Variants in SUMF2 observed in about 807,000 individuals in gnomAD.
SUMF2 encodes inactive C-alpha-formylglycine-generating enzyme 2.
SUMF2 carries 45 observed loss-of-function variants against 44.8 expected under a neutral mutation model. That is an observed-to-expected ratio of 1.00 (90% CI 0.79 to 1.29). The LOEUF is 1.29. Ranked by LOEUF, SUMF2 falls within the 50% of genes most tolerant of loss-of-function variation. The probability of loss-of-function intolerance (pLI) is 0.00; values close to 1 mark genes in which losing one functional copy is unlikely to be tolerated. For missense variants in SUMF2, 418 were observed against 389.9 expected (o/e 1.07, Z -0.61); for synonymous variants, 148 against 150.4 (o/e 0.98, Z 0.12).
At chr7:56,084,370 A>ATTT (rs534790677), downstream of SUMF2, 274 of 408,286 alleles carry the variant, frequency 6.7e-4, no homozygotes, top group Middle Eastern at 1.8e-3. Context: ...GAGTATCCCG[A>ATTT]TTTTTTTTTT....
chr7:56,072,680 A>G (rs969099207), intron 2 of SUMF2, among the ~76,000 whole-genome samples: 3 of 150,784 alleles, frequency 2.0e-5, no homozygotes, highest in African/African-American at 7.3e-5. Flanking sequence ...CCGAGATCAC[A>G]CCATTGCACT....
rs559862080 is a variant in SUMF2 at position 56,073,016 on chromosome 7, A to G, written c.244A>G (p.Lys82Glu). ...KDFRDFVREKKYRTEAEMFGW... is the reference protein window; with the variant it reads ...KDFRDFVREKEYRTEAEMFGW... The stretch of plus-strand genomic sequence containing the variant: ...TTATAGGGATTTTGTCAGGGAGAAA[A>G]AGTATCGGACAGAAGCTGAGATGTT... Residue 82 changes from lysine to glutamate, a missense_variant, in exon 3 of 9, where the codon AAG (lysine) becomes GAG (glutamate). Lys to Glu is a moderately conservative substitution (Grantham distance 56). Coordinates refer to ENST00000434526, the MANE Select transcript of SUMF2 (RefSeq NM_015411.4). The G allele has an allele frequency of 6.2e-7, 1 of 1,613,848 alleles. No homozygotes were observed. Among genetic ancestry groups the G allele is most frequent in the Non-Finnish European group, 8.5e-7 (1 of 1,179,910 alleles).
chr7:56,078,525 C>T lies in SUMF2; in HGVS notation c.821+17C>T. On this transcript the variant is annotated intron_variant, in intron 8 of 8. Coordinates refer to ENST00000434526, the MANE Select transcript of SUMF2 (RefSeq NM_015411.4). ...CACCACCAGGTAAGGGGCTTGGTCC[C>T]AGGCAACACGGGGCCTTGTAGCTGG... 7.1e-6 allele frequency: 11 copies of T among 1,538,860 alleles called. No homozygotes were observed. The highest frequency in any genetic ancestry group is 9.6e-6 in the Non-Finnish European group (11 of 1,141,620).
downstream of SUMF2, chr7:56,084,250 G>A (rs146608272): frequency 0.026 from 38,494 of 1,501,748 alleles, 591 homozygotes; most frequent in Middle Eastern, 0.037. Flanking sequence ...CCCATCTGTG[G>A]AAGTGACAGT....
At position 56,071,812 on chromosome 7, in the gene SUMF2, ATAAT is replaced by A. The variant is rs1554365059; in HGVS notation, c.225-1181_225-1178del. Among the ~76,000 whole-genome samples, 4 of 149,704 alleles carry A rather than the reference ATAAT, an allele frequency of 2.7e-5. No individual in the cohort carries two copies. The East Asian group carries it at 8.0e-4, about 30-fold the overall frequency. ...AATAAATAAATAAATAAATAAATAA[ATAAT>A]TAAATAAAAAATAATTTGGGCACAG... is the stretch of plus-strand genomic sequence containing the variant. On this transcript the variant is annotated intron_variant, in intron 2 of 8. Coordinates refer to ENST00000434526, the MANE Select transcript of SUMF2 (RefSeq NM_015411.4).
downstream of SUMF2, among the ~76,000 whole-genome samples, chr7:56,084,845 T>C (rs1796188372): frequency 6.6e-6 from 1 of 152,202 alleles, no homozygotes; most frequent in South Asian, 2.1e-4. Flanking sequence ...GGAGGGCTCC[T>C]CAGGGCAGCA....
At chr7:56,078,616 A>C in intron 8 of SUMF2, 108 bp downstream of exon 8, 24 of 1,316,008 alleles carry the variant, frequency 1.8e-5, no homozygotes, top group Non-Finnish European at 2.3e-5. Context: ...TCTGTGTGTG[A>C]TGAGCTGGTC....
chr7:56,079,896 AT>A lies in SUMF2; in HGVS notation c.*286del. On this transcript the variant is annotated 3_prime_UTR_variant, in exon 9 of 9. Transcript: ENST00000434526. ...ACACAGGATTGCAAACACACAAACA[AT>A]TGGAACAGAGCACTCTGAAAGGCCA... The A allele has an allele frequency of 6.6e-7, 1 of 1,516,926 alleles. No individual in the cohort carries two copies. The highest frequency in any genetic ancestry group is 8.9e-7 in the Non-Finnish European group (1 of 1,126,860). 94.0% of individuals were successfully genotyped at this position (1,516,926 alleles called of 1,614,324 possible).
intron 3 of SUMF2, 145 bp downstream of exon 3, chr7:56,073,256 G>A: frequency 1.4e-6 from 1 of 715,620 alleles, no homozygotes; most frequent in East Asian, 2.7e-5. Flanking sequence ...TCACCATGGA[G>A]CGTCAGATCA....
chr7:56,081,283 A>G, downstream of SUMF2: 1 of 1,610,366 alleles, frequency 6.2e-7, no homozygotes, highest in Non-Finnish European at 8.5e-7. This position sits in a 1 kb window ranked among gnomAD's most constrained non-coding sequence, Gnocchi z 4.6. Context: ...TGAAGCCAGC[A>G]CGGTCAGAGC....
chr7:56,076,051 G>A (rs1181982552), intron 5 of SUMF2, among the ~76,000 whole-genome samples: 1 of 105,304 alleles, frequency 9.5e-6, no homozygotes, highest in African/African-American at 3.7e-5. Context: ...TTTTGAGACA[G>A]AGTGTCGCTG....
At chr7:56,081,938 A>AAACTGGT, downstream of SUMF2, 1 of 1,613,890 alleles carries the variant, frequency 6.2e-7, no homozygotes, top group Non-Finnish European at 8.5e-7. This position sits in a 1 kb window ranked among gnomAD's most constrained non-coding sequence, Gnocchi z 4.6. Context: ...CGGGCGAGCC[A>AAACTGGT]AACTGGTAGT....
At chr7:56,087,796 A>G in the SUMF2 span, 1 of 1,597,430 alleles carries the variant, frequency 6.3e-7, no homozygotes. Context: ...CAGAGGACAG[A>G]TGGCCTCGGG....
At chr7:56,079,284 A>G (rs752718277) in intron 8 of SUMF2, 3 of 566,374 alleles carry the variant, frequency 5.3e-6, no homozygotes, top group African/African-American at 3.7e-5. Context: ...TCTTGGGGCC[A>G]CTGTCCCTCC....
chr7:56,065,130 C>G (rs1179559075), intron 1 of SUMF2, among the ~76,000 whole-genome samples: 4 of 144,298 alleles, frequency 2.8e-5, no homozygotes, highest in Non-Finnish European at 6.0e-5. Flanking sequence ...GGGGTGGAGC[C>G]TGCAGTGAGC....
intron 8 of SUMF2, chr7:56,078,846 C>T (rs1351615413): frequency 2.2e-6 from 1 of 448,430 alleles, no homozygotes; most frequent in Non-Finnish European, 3.9e-6. Flanking sequence ...ACCAGTAGGT[C>T]ATTACTGGTG....
downstream of SUMF2, among the ~76,000 whole-genome samples, chr7:56,085,107 T>C (rs1217752099): frequency 6.6e-6 from 1 of 151,960 alleles, no homozygotes; most frequent in African/African-American, 2.4e-5. Context: ...ATTACAGATA[T>C]CTGTCACCAT....
At chr7:56,080,891 T>C, downstream of SUMF2, 1 of 797,370 alleles carries the variant, frequency 1.3e-6, no homozygotes, top group Non-Finnish European at 1.9e-6. Flanking sequence ...ACTTCCCTTG[T>C]GCACAGCCTT....
At chr7:56,064,700 GTC>G (rs755184027) in intron 1 of SUMF2, among the ~76,000 whole-genome samples, 17 of 147,802 alleles carry the variant, frequency 1.2e-4, no homozygotes, top group Non-Finnish European at 1.9e-4. Flanking sequence ...GTGAAACCCT[GTC>G]TCTACAAAAA....
Sources: allele counts gnomAD v4.1 joint callset (sites outside exome capture counted in the v4.1 genomes callset), GRCh38; gene constraint gnomAD v4.1.1; non-coding constraint Gnocchi (gnomAD v3.1); transcripts MANE v1.5; gene names NCBI Gene and HGNC (gene_info 2026-07-23, HGNC 2026-07-21).